PHF21A: variants seen among roughly 807,000 people sequenced by gnomAD.
The protein encoded by PHF21A is PHD finger protein 21A.
PHF21A carries 11 observed loss-of-function variants against 82.5 expected under a neutral mutation model. The observed-to-expected ratio is 0.13, with a 90% CI of 0.08 to 0.22. The LOEUF is 0.22. PHF21A is among the 10% of genes least tolerant of loss of function. PHF21A has a pLI of 1.00. For synonymous variants in PHF21A, 297 were observed against 302.8 expected (o/e 0.98, Z 0.20); for missense variants, 579 against 837.8 (o/e 0.69, Z 3.81).
At chr11:46,075,403 C>T (rs2096713586) in intron 6 of PHF21A, among the ~76,000 whole-genome samples, 1 of 152,146 alleles carries the variant, frequency 6.6e-6, no homozygotes, top group Non-Finnish European at 1.5e-5. Flanking sequence ...CATTCATTGG[C>T]GTCTTGTCAA....
At chr11:46,004,586 A>G (rs989207547) in intron 6 of PHF21A, among the ~76,000 whole-genome samples, 2 of 152,196 alleles carry the variant, frequency 1.3e-5, no homozygotes, top group African/African-American at 4.8e-5. Flanking sequence ...TCTTCAACAT[A>G]AAAGTTTTAA....
rs116797847 is a variant in PHF21A, at chr11:45,964,991, T to C, written c.996+324A>G. Among the ~76,000 whole-genome samples, 1,076 of 152,256 alleles carry C rather than the reference T, an allele frequency of 7.1e-3. 12 individuals are homozygous for C. Among genetic ancestry groups the C allele is most frequent in the African/African-American group, 0.025 (1,021 of 41,528 alleles). On this transcript the variant is annotated intron_variant, in intron 10 of 18. Transcript: ENST00000676320. ...TTATTGGGCCGAAACTAACATGGCG[T>C]TTTCTGTTTACTACCTCATCTGTGC...
At chr11:46,107,369 T>C (rs2097163470) in intron 1 of PHF21A, among the ~76,000 whole-genome samples, 1 of 152,222 alleles carries the variant, frequency 6.6e-6, no homozygotes, top group Non-Finnish European at 1.5e-5. Context: ...CTGTACACTA[T>C]TAGACTAGAA....
At position 46,008,388 on chromosome 11, in the gene PHF21A, G is replaced by A. The variant is rs1379166523; in HGVS notation, c.154-28422C>T. Among the ~76,000 whole-genome samples, 3 of 152,160 alleles carry A rather than the reference G, an allele frequency of 2.0e-5. No homozygotes were observed. The East Asian group carries it at 5.8e-4, about 29-fold the overall frequency. On this transcript the variant is annotated intron_variant, in intron 6 of 18. Coordinates refer to ENST00000676320, the MANE Select transcript of PHF21A (RefSeq NM_001352027.3). ...CATATGGCCTGGGTTCTGAAAAGATGAGCTAAACTTAATCAAAATTCCTCT... is the reference window on the plus strand; with the variant it reads ...CATATGGCCTGGGTTCTGAAAAGATAAGCTAAACTTAATCAAAATTCCTCT...
rs1253438317 is a variant in PHF21A, at chr11:45,933,696, A to T, written c.*272T>A. The T allele has an allele frequency of 2.9e-6, 1 of 343,728 alleles. No homozygotes were observed. Among genetic ancestry groups the T allele is most frequent in the Non-Finnish European group, 5.2e-6 (1 of 191,988 alleles). 21.3% of individuals were successfully genotyped at this position (343,728 alleles called of 1,614,324 possible). On this transcript the variant is annotated 3_prime_UTR_variant, in exon 19 of 19. Transcript: ENST00000676320. The stretch of plus-strand genomic sequence containing the variant: ...CACTGGTGTATAATAGAGAGAGTAA[A>T]TATATTATTTCACTTGGCATGGTGC...
Position 45,971,103 on chromosome 11 carries a change from G to A in PHF21A, c.612+13C>T. On this transcript the variant is annotated intron_variant, in intron 8 of 18. Coordinates refer to ENST00000676320, the MANE Select transcript of PHF21A (RefSeq NM_001352027.3). ...CTCATGTGATCACACATGAGGAGCAGCTGCTGGCTTACCAGAGTGACTGTG... is the reference window on the plus strand; with the variant it reads ...CTCATGTGATCACACATGAGGAGCAACTGCTGGCTTACCAGAGTGACTGTG... 1.9e-6 allele frequency: 3 copies of A among 1,613,782 alleles called. No homozygotes were observed. Among genetic ancestry groups the A allele is most frequent in the Non-Finnish European group, 1.7e-6 (2 of 1,179,876 alleles).
rs376852559 is a variant in PHF21A at position 46,067,883 on chromosome 11, G to A, written c.153+8871C>T. ...CAAATAAAGTAGGCACAAGTACCAA[G>A]TACCATGAGTACACAGAAGAGGAGT... is the stretch of plus-strand genomic sequence containing the variant. On this transcript the variant is annotated intron_variant, in intron 6 of 18. Transcript: ENST00000676320. Among the ~76,000 whole-genome samples, 15 of 152,248 alleles carry A rather than the reference G, an allele frequency of 9.9e-5. 1 individual carries two copies. The East Asian group carries it at 2.9e-3, about 29-fold the overall frequency.
At chr11:46,113,877 T>G (rs2097255212) in intron 1 of PHF21A, among the ~76,000 whole-genome samples, 2 of 151,282 alleles carry the variant, frequency 1.3e-5, no homozygotes, top group Non-Finnish European at 3.0e-5. Context: ...TTTTTAACAA[T>G]TATTCAAGAT....
intron 6 of PHF21A, among the ~76,000 whole-genome samples, chr11:46,055,336 A>C (rs192252328): frequency 6.6e-6 from 1 of 152,302 alleles, no homozygotes; most frequent in Admixed American, 6.5e-5. Context: ...AGTTAATTAA[A>C]TTACAGTAAC....
At chr11:46,034,761 T>C (rs149246288) in intron 6 of PHF21A, among the ~76,000 whole-genome samples, 318 of 152,242 alleles carry the variant, frequency 2.1e-3, no homozygotes, top group African/African-American at 7.3e-3. Context: ...GAAACCAACA[T>C]GTCATATGTG....
chr11:46,098,832 G>A lies in PHF21A; in HGVS notation c.-236-6609C>T, dbSNP rs116606624. Reference sequence around the variant, plus strand: ...CTATTAACACTAATGGGAGTTCTGGGTGTAAACCATAAGCACCAAGGAGGA... The same window carrying A: ...CTATTAACACTAATGGGAGTTCTGGATGTAAACCATAAGCACCAAGGAGGA... On this transcript the variant is annotated intron_variant, in intron 1 of 18. Transcript: ENST00000676320. Among the ~76,000 whole-genome samples, 547 of 152,270 alleles carry A rather than the reference G, an allele frequency of 3.6e-3. 5 individuals carry two copies. The highest frequency in any genetic ancestry group is 0.013 in the African/African-American group (524 of 41,542).
Position 45,979,802 on chromosome 11 carries a change from G to A in PHF21A, c.318C>T (p.Ala106=). ...QQQQQYHHHH[A]QQSAAASPNL... is the part of the protein sequence containing the mutation. ...TGGGAGAGGCTGCAGCTGACTGCTG[G>A]GCGTGGTGGTGGTGGTACTGCTGCT... is the stretch of plus-strand genomic sequence containing the variant. The change falls in exon 7 of 19, where the codon GCC becomes GCT. Residue 106 remains alanine (A), a synonymous_variant. Transcript: ENST00000676320. 1 of 1,614,110 alleles carries A rather than the reference G, an allele frequency of 6.2e-7. No homozygotes were observed. Among genetic ancestry groups the A allele is most frequent in the Non-Finnish European group, 8.5e-7 (1 of 1,180,028 alleles).
chr11:46,062,669 G>T (rs1293269130), intron 6 of PHF21A, among the ~76,000 whole-genome samples: 2 of 152,098 alleles, frequency 1.3e-5, no homozygotes, highest in African/African-American at 4.8e-5. Context: ...TCATATTTAA[G>T]ATTGAAGCGC....
At chr11:46,089,303 G>A (rs1170853931) in intron 3 of PHF21A, among the ~76,000 whole-genome samples, 1 of 151,986 alleles carries the variant, frequency 6.6e-6, no homozygotes, top group Non-Finnish European at 1.5e-5. Context: ...TATGTAGGTA[G>A]ATAAAATAAT....
intron 1 of PHF21A, among the ~76,000 whole-genome samples, chr11:46,114,592 T>C (rs929196646): frequency 6.6e-5 from 10 of 152,222 alleles, no homozygotes; most frequent in African/African-American, 9.6e-5. Context: ...AGGCCAGAGA[T>C]AGCAGTTGCC....
chr11:45,978,860 C>T (rs1007133586), intron 7 of PHF21A, among the ~76,000 whole-genome samples: 6 of 152,114 alleles, frequency 3.9e-5, no homozygotes, highest in African/African-American at 1.4e-4. Flanking sequence ...AACATTTGCA[C>T]AGCTACACCA....
At chr11:46,036,243 C>T (rs917503082) in intron 6 of PHF21A, among the ~76,000 whole-genome samples, 1 of 152,130 alleles carries the variant, frequency 6.6e-6, no homozygotes, top group African/African-American at 2.4e-5. Flanking sequence ...GTAAAATTTA[C>T]AGTCATAAGT....
chr11:46,019,891 T>C (rs2095596489), intron 6 of PHF21A, among the ~76,000 whole-genome samples: 1 of 152,178 alleles, frequency 6.6e-6, no homozygotes, highest in Non-Finnish European at 1.5e-5. Context: ...GGAAAGCCCA[T>C]ATGCTTAACT....
chr11:46,058,172 G>A (rs1437804749), intron 6 of PHF21A, among the ~76,000 whole-genome samples: 1 of 152,062 alleles, frequency 6.6e-6, no homozygotes, highest in African/African-American at 2.4e-5. Flanking sequence ...CCTTACCATG[G>A]GGGTAAGAGA....
Sources: allele counts gnomAD v4.1 joint callset (sites outside exome capture counted in the v4.1 genomes callset), GRCh38; gene constraint gnomAD v4.1.1; transcripts MANE v1.5; gene names NCBI Gene and HGNC (gene_info 2026-07-23, HGNC 2026-07-21).